Variants in VWA3A observed in about 807,000 individuals in gnomAD.
The protein encoded by VWA3A is von Willebrand factor A domain containing 3A, also known as von Willebrand factor A domain-containing protein 3A.
VWA3A carries 134 observed loss-of-function variants against 160.4 expected under a neutral mutation model. The observed-to-expected ratio is 0.84, with a 90% CI of 0.73 to 0.96. The LOEUF is 0.96. Among genes scored for constraint, VWA3A ranks in the 40% least tolerant of loss-of-function variants. The pLI, the probability that VWA3A is intolerant of heterozygous loss-of-function variation, is 0.00. For synonymous variants in VWA3A, 476 were observed against 543.4 expected (o/e 0.88, Z 1.72); for missense variants, 1,310 against 1,447.9 (o/e 0.90, Z 1.55).
chr16:22,122,195 AGATG>A (rs1441507832), intron 14 of VWA3A, among the ~76,000 whole-genome samples: 1 of 103,840 alleles, frequency 9.6e-6, no homozygotes, highest in Admixed American at 1.3e-4. Flanking sequence ...ATGGATAGAT[AGATG>A]GATGGATAGA....
At chr16:22,115,560 A>C (rs2045617268) in intron 9 of VWA3A, 88 bp downstream of exon 9, 13 of 1,416,072 alleles carry the variant, frequency 9.2e-6, no homozygotes, top group Non-Finnish European at 1.2e-5. Flanking sequence ...GGCTTGTCAC[A>C]GTGGCTCATG....
At chr16:22,129,575 C>T (rs1214056621) in intron 17 of VWA3A, among the ~76,000 whole-genome samples, 2 of 151,982 alleles carry the variant, frequency 1.3e-5, no homozygotes, top group Admixed American at 6.6e-5. Flanking sequence ...GAGTCTGAGA[C>T]ACTCAAGAGT....
rs922858264 is a variant in VWA3A at position 22,138,287 on chromosome 16, C to G, written c.2140-73C>G. 5.0e-6 allele frequency: 7 copies of G among 1,413,564 alleles called. No homozygotes were observed. The African/African-American group carries it at 5.6e-5, about 11-fold the overall frequency. 87.6% of individuals were successfully genotyped at this position (1,413,564 alleles called of 1,614,324 possible). A position where few individuals can be genotyped will look rare whatever the true frequency, so the allele number is the denominator to read the frequency against. On this transcript the variant is annotated intron_variant, in intron 21 of 33. Transcript: ENST00000389398. ...AGAGGTTCCAGTGGATACAGTCCCTCCTGCTGTGTGTGTGTGTGTGTGTGT... is the reference window on the plus strand; with the variant it reads ...AGAGGTTCCAGTGGATACAGTCCCTGCTGCTGTGTGTGTGTGTGTGTGTGT...
intron 15 of VWA3A, 99 bp downstream of exon 15, chr16:22,123,264 T>C: frequency 1.6e-6 from 2 of 1,242,418 alleles, no homozygotes; most frequent in Non-Finnish European, 1.1e-6. Context: ...TTGACTCAAC[T>C]CCCTCTTGTA....
chr16:22,123,525 A>C (rs1319233569), intron 15 of VWA3A, 88 bp from the exon 16 acceptor site: 2 of 1,609,364 alleles, frequency 1.2e-6, no homozygotes, highest in African/African-American at 2.7e-5. Context: ...CCATTCCCTG[A>C]AGCCCACCCA....
intron 23 of VWA3A, among the ~76,000 whole-genome samples, chr16:22,140,501 G>C (rs539590650): frequency 2.2e-4 from 33 of 152,094 alleles, no homozygotes; most frequent in Non-Finnish European, 4.3e-4. Context: ...CAAGTACTCA[G>C]AGGCTGAGTT....
chr16:22,119,314 C>G (rs1307309081), intron 12 of VWA3A, among the ~76,000 whole-genome samples: 1 of 152,192 alleles, frequency 6.6e-6, no homozygotes, highest in Non-Finnish European at 1.5e-5. Flanking sequence ...GTCACTGTCC[C>G]CTCCCTTACC....
intron 6 of VWA3A, among the ~76,000 whole-genome samples, chr16:22,105,408 C>A (rs1009996601): frequency 3.9e-5 from 6 of 152,176 alleles, no homozygotes; most frequent in African/African-American, 1.4e-4. Flanking sequence ...CAGATAATCG[C>A]TGGTCCCTGT....
In VWA3A at chr16:22,118,886, C is replaced by T; in HGVS notation, c.991-16C>T. The stretch of plus-strand genomic sequence containing the variant: ...TCAAGTGATTCCGGATGTCTGATTG[C>T]TCTTGCCACCCTCAGCACTACACCA... On this transcript the variant is annotated splice_polypyrimidine_tract_variant and intron_variant, in intron 11 of 33. Transcript: ENST00000389398. 1.2e-6 allele frequency: 2 copies of T among 1,613,616 alleles called. No individual in the cohort carries two copies. The highest frequency in any genetic ancestry group is 1.7e-6 in the Non-Finnish European group (2 of 1,179,692).
chr16:22,128,228 G>A (rs1419556220), intron 17 of VWA3A, among the ~76,000 whole-genome samples: 1 of 152,170 alleles, frequency 6.6e-6, no homozygotes, highest in East Asian at 1.9e-4. Context: ...TTGCAAGCAA[G>A]GTACAAATAC....
chr16:22,154,978 A>G (rs1245451716), intron 31 of VWA3A, among the ~76,000 whole-genome samples: 37 of 80,032 alleles, frequency 4.6e-4, no homozygotes, highest in Non-Finnish European at 5.3e-4. Flanking sequence ...AAAAAAAAAA[A>G]AAAAAAAAAA....
chr16:22,108,282 G>A (rs912797071), intron 6 of VWA3A, among the ~76,000 whole-genome samples: 9 of 152,164 alleles, frequency 5.9e-5, no homozygotes, highest in South Asian at 2.1e-4. Context: ...TATGGTGATG[G>A]AAATTGTACA....
intron 8 of VWA3A, among the ~76,000 whole-genome samples, chr16:22,114,883 G>GC (rs1407346596): frequency 1.3e-5 from 2 of 151,100 alleles, no homozygotes; most frequent in African/African-American, 2.4e-5. Context: ...TCAGCTCACT[G>GC]CAACCTTCCG....
At chr16:22,133,192 G>T in intron 20 of VWA3A, 97 bp downstream of exon 20, 1 of 1,351,920 alleles carries the variant, frequency 7.4e-7, no homozygotes, top group South Asian at 1.5e-5. Context: ...CAGAAAAGCA[G>T]CTTGTGAAAA....
At chr16:22,114,449 T>G (rs889370) in intron 8 of VWA3A, among the ~76,000 whole-genome samples, 79,334 of 151,970 alleles carry the variant, frequency 0.52, 25,136 homozygotes, top group African/African-American at 0.87. Flanking sequence ...TGGGTATGGG[T>G]AAGAAGGAAC....
At chr16:22,121,652 C>A (rs754573980) in intron 14 of VWA3A, 35 bp downstream of exon 14, 3 of 1,522,704 alleles carry the variant, frequency 2.0e-6, no homozygotes, top group Non-Finnish European at 2.7e-6. Context: ...CAGTCCTCCA[C>A]AGGAGAGCTC....
At position 22,155,611 on chromosome 16, in the gene VWA3A, G is replaced by A; in HGVS notation, c.3450G>A (p.Leu1150=). The A allele has an allele frequency of 6.2e-7, 1 of 1,613,932 alleles. No individual in the cohort carries two copies. Among genetic ancestry groups the A allele is most frequent in the Non-Finnish European group, 8.5e-7 (1 of 1,179,896 alleles). ...TTGAAGGAGATGATTTAAGGATCCTGGCCCAGGAGATCACCAAGGCCAGAA... is the reference window on the plus strand; with the variant it reads ...TTGAAGGAGATGATTTAAGGATCCTAGCCCAGGAGATCACCAAGGCCAGAA... ...PPFEGDDLRI[L]AQEITKARSF... Residue 1150 remains leucine, a synonymous_variant, in exon 32 of 34, where the codon CTG becomes CTA. Coordinates refer to ENST00000389398, the MANE Select transcript of VWA3A (RefSeq NM_173615.5).
Position 22,096,945 on chromosome 16 carries a change from G to GGTAA in VWA3A, c.101+2_101+5dup, listed in dbSNP as rs1277920205. The GGTAA allele has an allele frequency of 1.3e-6, 2 of 1,504,046 alleles. No individual in the cohort carries two copies. 93.2% of individuals were successfully genotyped at this position (1,504,046 alleles called of 1,614,324 possible). A position where few individuals can be genotyped will look rare whatever the true frequency, so the allele number is the denominator to read the frequency against. On this transcript the variant is annotated stop_gained and frameshift_variant and splice_region_variant. Coordinates refer to ENST00000389398, the MANE Select transcript of VWA3A (RefSeq NM_173615.5). LOFTEE classifies it high-confidence loss of function. Reference sequence around the variant, plus strand: ...GAAAATATGTTTCTGGAAAACCATTGGTAAGCATAGTTCTCTGATTTTTTT... The same window carrying GGTAA: ...GAAAATATGTTTCTGGAAAACCATTGGTAAGTAAGCATAGTTCTCTGATTTTTTT...
intron 19 of VWA3A, among the ~76,000 whole-genome samples, chr16:22,132,227 T>C (rs1221764878): frequency 6.6e-6 from 1 of 151,430 alleles, no homozygotes; most frequent in East Asian, 1.9e-4. Context: ...CTACTAAAAA[T>C]ACAAAATTAG....
Sources: gnomAD v4.1 joint callset for allele counts (sites outside exome capture counted in the v4.1 genomes callset) on GRCh38, gnomAD v4.1.1 for gene constraint, MANE v1.5 for transcripts, NCBI Gene and HGNC (gene_info 2026-07-23, HGNC 2026-07-21) for gene names.